The following PCDHGA3 variants were observed in gnomAD, a reference collection of about 807,000 sequenced individuals.
PCDHGA3 encodes protocadherin gamma subfamily A, 3, also known as protocadherin gamma-A3.
PCDHGA3 carries 40 observed loss-of-function variants against 58.5 expected under a neutral mutation model. That is an observed-to-expected ratio of 0.68 (90% CI 0.53 to 0.89). The LOEUF (loss-of-function observed/expected upper bound fraction) is 0.89, where lower values mean the gene tolerates loss of function less well. PCDHGA3 is among the 40% of genes least tolerant of loss of function. The pLI, the probability that PCDHGA3 is intolerant of heterozygous loss-of-function variation, is 0.00. For missense variants in PCDHGA3, 1,223 were observed against 1,195.9 expected (o/e 1.02, Z -0.33); for synonymous variants, 530 against 525.7 (o/e 1.01, Z -0.11).
intron 3 of PCDHGA3, among the ~76,000 whole-genome samples, chr5:141,508,957 C>T (rs1242113190): frequency 6.6e-6 from 1 of 151,976 alleles, no homozygotes; most frequent in Non-Finnish European, 1.5e-5. Context: ...GAAATGTCAG[C>T]GGAATGAAAG....
chr5:141,479,277 TC>T (rs2099491823), intron 1 of PCDHGA3: 1 of 152,362 alleles, frequency 6.6e-6, no homozygotes, highest in African/African-American at 2.4e-5. Flanking sequence ...ATAATTTATT[TC>T]AAAAATAAAT....
At chr5:141,417,993 C>A in intron 1 of PCDHGA3, 1 of 1,613,830 alleles carries the variant, frequency 6.2e-7, no homozygotes, top group Non-Finnish European at 8.5e-7. Flanking sequence ...GCCAAGGGCT[C>A]GGTGGTGGGG....
chr5:141,425,482 C>G (rs1257043728), intron 1 of PCDHGA3, among the ~76,000 whole-genome samples: 1 of 152,192 alleles, frequency 6.6e-6, no homozygotes, highest in East Asian at 1.9e-4. Flanking sequence ...CCTATGGCAA[C>G]CTACTAGGCT....
At chr5:141,409,707 C>T in intron 1 of PCDHGA3, 1 of 1,613,248 alleles carries the variant, frequency 6.2e-7, no homozygotes, top group Non-Finnish European at 8.5e-7. Flanking sequence ...CTGGCGGTGT[C>T]GTCATACGTG....
chr5:141,352,184 G>A, intron 1 of PCDHGA3: 1 of 1,613,852 alleles, frequency 6.2e-7, no homozygotes, highest in Non-Finnish European at 8.5e-7. Flanking sequence ...GCTGGTCGCT[G>A]TGCGTGATGG....
At chr5:141,414,242 T>C (rs1412230684) in intron 1 of PCDHGA3, 1 of 1,613,538 alleles carries the variant, frequency 6.2e-7, no homozygotes, top group Admixed American at 1.7e-5. Flanking sequence ...ATCACGTCTC[T>C]ATTTAGTCCA....
At chr5:141,494,889 A>G (rs2099757275) in intron 2 of PCDHGA3, 24 bp downstream of exon 2, 1 of 1,613,844 alleles carries the variant, frequency 6.2e-7, no homozygotes, top group Admixed American at 1.7e-5. Context: ...TCTCCAGCCC[A>G]CCCTCTTCTC....
chr5:141,429,389 A>T (rs6890456), intron 1 of PCDHGA3, among the ~76,000 whole-genome samples: 7,460 of 147,570 alleles, frequency 0.051, 197 homozygotes, highest in South Asian at 0.075. Flanking sequence ...TTTTTTTTTA[A>T]AAAAAATTGA....
chr5:141,418,016 G>C (rs772945671), intron 1 of PCDHGA3: 1 of 1,613,968 alleles, frequency 6.2e-7, no homozygotes, highest in Non-Finnish European at 8.5e-7. Context: ...CCTCGCTAAG[G>C]ATCTAGGGCT....
At chr5:141,365,693 G>T in intron 1 of PCDHGA3, 1 of 1,613,362 alleles carries the variant, frequency 6.2e-7, no homozygotes, top group Non-Finnish European at 8.5e-7. Flanking sequence ...TTTCCCTCAA[G>T]CCTCCTACTC....
intron 1 of PCDHGA3, chr5:141,352,375 A>G (rs777856630): frequency 3.1e-6 from 5 of 1,613,806 alleles, no homozygotes; most frequent in African/African-American, 1.3e-5. Context: ...CGGTGATTCT[A>G]GCGATCGCCC....
intron 1 of PCDHGA3, chr5:141,389,159 G>C: frequency 6.2e-7 from 1 of 1,613,988 alleles, no homozygotes; most frequent in Non-Finnish European, 8.5e-7. Context: ...CAACAGATCG[G>C]GGCAAGCCTC....
At chr5:141,351,426 A>G in intron 1 of PCDHGA3, 1 of 1,611,328 alleles carries the variant, frequency 6.2e-7, no homozygotes, top group Non-Finnish European at 8.5e-7. Flanking sequence ...GTTCCTTTCA[A>G]ATTAGAATCC....
Position 141,485,331 on chromosome 5 carries a change from T to C in PCDHGA3, c.2425-9476T>C, listed in dbSNP as rs1203054851. On this transcript the variant is annotated intron_variant, in intron 1 of 3. Transcript: ENST00000253812. This position sits in a 1 kb window ranked among gnomAD's most constrained non-coding sequence, Gnocchi z 5.7. Reference sequence around the variant, plus strand: ...GTAGGGAATGTCGCTCAAGATTTCCTGCTGGATACGGACAGTCTGTCAGCT... The same window carrying C: ...GTAGGGAATGTCGCTCAAGATTTCCCGCTGGATACGGACAGTCTGTCAGCT... 6.2e-7 allele frequency: 1 copy of C among 1,614,048 alleles called. No individual in the cohort carries two copies. Among genetic ancestry groups the C allele is most frequent in the African/African-American group, 1.3e-5 (1 of 74,902 alleles).
In PCDHGA3 at chr5:141,366,466, G is replaced by C. The variant is rs774389587; in HGVS notation, c.2424+20009G>C. 9 of 1,614,110 alleles carry C rather than the reference G, an allele frequency of 5.6e-6. No individual in the cohort carries two copies. The South Asian group carries it at 9.9e-5, about 18-fold the overall frequency. Reference sequence around the variant, plus strand: ...TCCTGGCCTTCGTCATCGTGCTGCTGGTGCTCAGACTGAGGCGCTGGCACA... The same window carrying C: ...TCCTGGCCTTCGTCATCGTGCTGCTCGTGCTCAGACTGAGGCGCTGGCACA... On this transcript the variant is annotated intron_variant, in intron 1 of 3. Coordinates refer to ENST00000253812, the MANE Select transcript of PCDHGA3 (RefSeq NM_018916.4).
intron 1 of PCDHGA3, among the ~76,000 whole-genome samples, chr5:141,465,409 A>G (rs1037916815): frequency 3.3e-5 from 5 of 152,188 alleles, no homozygotes; most frequent in African/African-American, 4.8e-5. Flanking sequence ...AAGAAGCCAA[A>G]TCAGCACTGA....
intron 1 of PCDHGA3, chr5:141,423,780 T>C: frequency 8.0e-7 from 1 of 1,243,766 alleles, no homozygotes; most frequent in Non-Finnish European, 1.0e-6. Flanking sequence ...ATATATTTAG[T>C]TCATATATAT....
At chr5:141,357,773 T>C in intron 1 of PCDHGA3, 1 of 917,442 alleles carries the variant, frequency 1.1e-6, no homozygotes, top group Non-Finnish European at 1.6e-6. Context: ...CTTCCAATAA[T>C]GATCAACAGT....
At chr5:141,450,516 C>T (rs150995579) in intron 1 of PCDHGA3, among the ~76,000 whole-genome samples, 2,020 of 152,024 alleles carry the variant, frequency 0.013, 56 homozygotes, top group African/African-American at 0.046. Context: ...GATGGAGTCT[C>T]ATTCTTGTCA....
Sources: gnomAD v4.1 joint callset for allele counts (sites outside exome capture counted in the v4.1 genomes callset) on GRCh38, gnomAD v4.1.1 for gene constraint, Gnocchi (gnomAD v3.1) non-coding constraint, MANE v1.5 for transcripts, NCBI Gene and HGNC (gene_info 2026-07-23, HGNC 2026-07-21) for gene names.